TNRC18: variants seen among roughly 807,000 people sequenced by gnomAD.
The protein encoded by TNRC18 is trinucleotide repeat-containing gene 18 protein.
In TNRC18, 69 loss-of-function variants were observed where a neutral mutation model predicts 226.7. The ratio of observed to expected loss-of-function variants is 0.30; its 90% CI spans 0.25 to 0.37. The LOEUF (loss-of-function observed/expected upper bound fraction) is 0.37. TNRC18 is among the 10% of genes least tolerant of loss of function. The pLI is 1.00. For synonymous variants in TNRC18, 2,449 were observed against 1,927.6 expected (o/e 1.27, Z -7.09); for missense variants, 4,754 against 4,256.6 (o/e 1.12, Z -3.25).
rs1036971402 is a variant in TNRC18, at chr7:5,309,484, C to T, written c.8389-116G>A. 8.3e-6 allele frequency: 7 copies of T among 841,196 alleles called. No individual in the cohort carries two copies. The highest frequency in any genetic ancestry group is 1.7e-5 in the African/African-American group (1 of 58,324). 52.1% of individuals were successfully genotyped at this position (841,196 alleles called of 1,614,324 possible). A position where few individuals can be genotyped will look rare whatever the true frequency, so the allele number is the denominator to read the frequency against. Reference sequence around the variant, plus strand: ...CTCGGCCTCTAAATCAACCCCTATCCAACTGTGGGGAGATGAGGAAGCTCC... The same window carrying T: ...CTCGGCCTCTAAATCAACCCCTATCTAACTGTGGGGAGATGAGGAAGCTCC... On this transcript the variant is annotated intron_variant, in intron 27 of 29. Coordinates refer to ENST00000430969, the MANE Select transcript of TNRC18 (RefSeq NM_001080495.3). The surrounding 1 kb of genome is among the most constrained non-coding windows in gnomAD (Gnocchi z 5.7).
chr7:5,314,948 G>A lies in TNRC18; in HGVS notation c.7027+36C>T, dbSNP rs376657180. 2,615 of 1,573,610 alleles carry A rather than the reference G, an allele frequency of 1.7e-3. 61 individuals carry two copies. The South Asian group carries it at 0.029, about 17-fold the overall frequency. ...GAGTTTGGATGCACGAAGGAGATCC[G>A]CCCACCGCCCTGCCCTGGGGACCAG... On this transcript the variant is annotated intron_variant, in intron 26 of 29. Coordinates refer to ENST00000430969, the MANE Select transcript of TNRC18 (RefSeq NM_001080495.3).
At chr7:5,385,589 C>T (rs1472311298) in intron 5 of TNRC18, among the ~76,000 whole-genome samples, 1 of 151,670 alleles carries the variant, frequency 6.6e-6, no homozygotes, top group African/African-American at 2.4e-5. Flanking sequence ...GAGGCTGAGG[C>T]CGGAGAATCA....
In TNRC18 at chr7:5,377,264, C is replaced by G. The variant is rs921553536; in HGVS notation, c.2461+107G>C. Reference sequence around the variant, plus strand: ...GACGAATGCGGGAGGCAGGCCCAGGCCCCCCAGGAAACGGCAGGCAGGAGC... The same window carrying G: ...GACGAATGCGGGAGGCAGGCCCAGGGCCCCCAGGAAACGGCAGGCAGGAGC... On this transcript the variant is annotated intron_variant, in intron 7 of 29. Coordinates refer to ENST00000430969, the MANE Select transcript of TNRC18 (RefSeq NM_001080495.3). This position sits in a 1 kb window ranked among gnomAD's most constrained non-coding sequence, Gnocchi z 5.8. 7.9e-7 allele frequency: 1 copy of G among 1,261,876 alleles called. No homozygotes were observed. Among genetic ancestry groups the G allele is most frequent in the African/African-American group, 1.5e-5 (1 of 65,912 alleles). 78.2% of individuals were successfully genotyped at this position (1,261,876 alleles called of 1,614,324 possible).
rs545962334 is a variant in TNRC18 at position 5,385,356 on chromosome 7, C to T, written c.2152+2316G>A. Among the ~76,000 whole-genome samples the T allele has an allele frequency of 2.9e-3, 443 of 152,006 alleles. 5 individuals carry two copies. The highest frequency in any genetic ancestry group is 9.8e-3 in the African/African-American group (409 of 41,528). ...ACAAAAAATTAGCCGGGCGCGGTGG[C>T]GGGCGCCTGTAGTCCCAGCTACTGG... On this transcript the variant is annotated intron_variant, in intron 5 of 29. Transcript: ENST00000430969.
At chr7:5,368,437 T>A (rs542259685) in intron 11 of TNRC18, among the ~76,000 whole-genome samples, 2 of 148,314 alleles carry the variant, frequency 1.3e-5, no homozygotes, top group South Asian at 2.1e-4. Flanking sequence ...CCAAGGCGGG[T>A]GGATCACTTG....
chr7:5,387,069 C>T (rs1323758983), intron 5 of TNRC18, among the ~76,000 whole-genome samples: 1 of 152,096 alleles, frequency 6.6e-6, no homozygotes, highest in South Asian at 2.1e-4. Context: ...AGTGAAACTC[C>T]GTTTCAAAAA....
rs772332079 is a variant in TNRC18, at chr7:5,390,618, G to A, written c.354C>T (p.His118=). 1 of 1,577,306 alleles carries A rather than the reference G, an allele frequency of 6.3e-7. No homozygotes were observed. ...AGGATGGGTACAGCCCACTGGGCAG[G>A]TGGGAGAAGCCTGTAACAGAAAAGA... ...WAAHAHEGFS[H]LPSGLYPSYL... Residue 118 remains histidine, a synonymous_variant, in exon 4 of 30, where the codon CAC becomes CAT. Coordinates refer to ENST00000430969, the MANE Select transcript of TNRC18 (RefSeq NM_001080495.3).
At chr7:5,401,229 G>T (rs995279284) in intron 2 of TNRC18, among the ~76,000 whole-genome samples, 5 of 114,050 alleles carry the variant, frequency 4.4e-5, no homozygotes, top group Non-Finnish European at 3.3e-5. Context: ...GTTCGAGTCG[G>T]GGGGGGGCGG....
intron 11 of TNRC18, among the ~76,000 whole-genome samples, chr7:5,364,429 G>A (rs945557296): frequency 6.0e-5 from 9 of 150,032 alleles, no homozygotes; most frequent in African/African-American, 2.0e-4. Flanking sequence ...CTGCACTCCA[G>A]CCTGGGCAAC....
Position 5,345,517 on chromosome 7 carries a change from G to GCCTCCCC in TNRC18, c.5719+44_5719+45insGGGGAGG. On this transcript the variant is annotated intron_variant, in intron 18 of 29. Transcript: ENST00000430969. ...CCTGTGGGATGGGGCAATGGCGTCC[G>GCCTCCCC]CCCCTCCCACCCACCCCCACCGCAG... The GCCTCCCC allele has an allele frequency of 3.7e-5, 14 of 377,744 alleles. 1 individual carries two copies. Among genetic ancestry groups the GCCTCCCC allele is most frequent in the South Asian group, 1.8e-4 (4 of 22,822 alleles). 23.4% of individuals were successfully genotyped at this position (377,744 alleles called of 1,614,324 possible). A position where few individuals can be genotyped will look rare whatever the true frequency, so the allele number is the denominator to read the frequency against.
chr7:5,327,304 C>T (rs10278799), intron 19 of TNRC18, among the ~76,000 whole-genome samples: 16,171 of 151,662 alleles, frequency 0.11, 987 homozygotes, highest in African/African-American at 0.16. Context: ...ATGGTATGTT[C>T]TAGGGAAAAA....
chr7:5,308,837 T>TACC, intron 29 of TNRC18, 38 bp downstream of exon 29: 1 of 834,152 alleles, frequency 1.2e-6, no homozygotes, highest in Non-Finnish European at 2.0e-6. Context: ...GAAGCAGCCA[T>TACC]CCCCAACCCG....
rs1792514515 is a variant in TNRC18 at position 5,357,137 on chromosome 7, G to C, written c.4973C>G (p.Thr1658Ser). The part of the protein sequence containing the change: ...FSDSAGGKSK[T>S]SGGCGRYLTP... ...CAAGTACCTGCCGCAGCCCCCGCTA[G>C]TTTTCGATTTCCCCCCAGCACTGTC... Residue 1658 changes from threonine to serine, a missense_variant, in exon 16 of 30, where the codon ACT becomes AGT. Coordinates refer to ENST00000430969, the MANE Select transcript of TNRC18 (RefSeq NM_001080495.3). 6.4e-7 allele frequency: 1 copy of C among 1,566,128 alleles called. No homozygotes were observed. The highest frequency in any genetic ancestry group is 8.7e-7 in the Non-Finnish European group (1 of 1,154,576).
intron 18 of TNRC18, among the ~76,000 whole-genome samples, chr7:5,339,326 G>A (rs1040348567): frequency 6.7e-6 from 1 of 149,676 alleles, no homozygotes; most frequent in Non-Finnish European, 1.5e-5. Flanking sequence ...TGCAATCTCC[G>A]CCTCCCAGGC....
intron 12 of TNRC18, 138 bp from the exon 13 acceptor site, chr7:5,362,171 T>C (rs916331084): frequency 6.3e-5 from 67 of 1,059,680 alleles, no homozygotes; most frequent in Non-Finnish European, 1.4e-5. Flanking sequence ...TGCCACCTCC[T>C]GACTGTGGCC....
intron 16 of TNRC18, among the ~76,000 whole-genome samples, chr7:5,353,554 C>CCGTCTCAA (rs1792052053): frequency 8.9e-6 from 1 of 112,320 alleles, no homozygotes; most frequent in African/African-American, 3.7e-5. Flanking sequence ...AGCAAGACAT[C>CCGTCTCAA]ATCTAAAGAA....
intron 2 of TNRC18, among the ~76,000 whole-genome samples, chr7:5,404,786 G>GTGTGTA (rs1237425000): frequency 4.0e-5 from 6 of 150,826 alleles, no homozygotes; most frequent in Non-Finnish European, 5.9e-5. Flanking sequence ...GTGTGTGTGT[G>GTGTGTA]TGTGTGTATA....
chr7:5,402,569 T>C (rs1781181555), intron 2 of TNRC18, among the ~76,000 whole-genome samples: 1 of 151,192 alleles, frequency 6.6e-6, no homozygotes, highest in Non-Finnish European at 1.5e-5. Context: ...ATAATATTTA[T>C]GCGGCTGGGC....
At position 5,327,372 on chromosome 7, in the gene TNRC18, C is replaced by CGTGTGT. The variant is rs5882054; in HGVS notation, c.6148-2130_6148-2125dup. Among the ~76,000 whole-genome samples, 883 of 142,802 alleles carry CGTGTGT rather than the reference C, an allele frequency of 6.2e-3. 9 individuals are homozygous for CGTGTGT. The highest frequency in any genetic ancestry group is 0.017 in the African/African-American group (655 of 39,586). The allele number at this position is 142,802 out of a possible 152,430, so 93.7% of individuals were successfully genotyped here. ...AAAAATATATATGTGTGTGTTTGTG[C>CGTGTGT]GTGTGTGTGTGTGTGTGTGTGTGTG... On this transcript the variant is annotated intron_variant, in intron 19 of 29. Coordinates refer to ENST00000430969, the MANE Select transcript of TNRC18 (RefSeq NM_001080495.3).
Sources: gnomAD v4.1 joint callset for allele counts (sites outside exome capture counted in the v4.1 genomes callset) on GRCh38, gnomAD v4.1.1 for gene constraint, Gnocchi (gnomAD v3.1) non-coding constraint, MANE v1.5 for transcripts, NCBI Gene and HGNC (gene_info 2026-07-23, HGNC 2026-07-21) for gene names.